Variants in KLF8 observed in about 807,000 individuals in gnomAD.
KLF8 encodes the protein KLF transcription factor 8.
A neutral mutation model predicts 18.2 loss-of-function variants in KLF8; 10 were observed. The observed-to-expected ratio is 0.55, with a 90% confidence interval of 0.34 to 0.93. The LOEUF is 0.93. Ranked by LOEUF, KLF8 falls within the 40% of genes least tolerant of loss-of-function variation. The probability of loss-of-function intolerance (pLI) is 0.02; values close to 1 mark genes in which losing one functional copy is unlikely to be tolerated. For synonymous variants in KLF8, 109 were observed against 97.3 expected, an observed-to-expected ratio of 1.12 and a Z score of -0.71; for missense variants, 264 against 277.9, an observed-to-expected ratio of 0.95 and a Z score of 0.36.
the KLF8 span, among the ~76,000 whole-genome samples, chrX:56,080,488 C>T: frequency 1.8e-5 from 2 of 111,491 alleles, no homozygotes; most frequent in South Asian, 3.8e-4. Flanking sequence ...CCATTCTCTT[C>T]TGGCTTCTAG....
At chrX:56,208,133 A>T in the KLF8 span, among the ~76,000 whole-genome samples, 1 of 111,445 alleles carries the variant, frequency 9.0e-6, no homozygotes, top group Admixed American at 9.6e-5. Flanking sequence ...ACACATGGGG[A>T]TTATTACAAT....
At chrX:56,261,010 A>G (rs970079297) in intron 2 of KLF8, among the ~76,000 whole-genome samples, 1 of 112,108 alleles carries the variant, frequency 8.9e-6, no homozygotes, top group Non-Finnish European at 1.9e-5. Flanking sequence ...ACTTTGTAAC[A>G]GTTGATTCCA....
the KLF8 span, among the ~76,000 whole-genome samples, chrX:55,961,022 G>A: frequency 9.0e-6 from 1 of 111,473 alleles, no homozygotes; most frequent in Non-Finnish European, 1.9e-5. Flanking sequence ...AAGCAAAAGA[G>A]AGTAGGGGTT....
chrX:56,142,487 A>G, the KLF8 span, among the ~76,000 whole-genome samples: 9 of 110,912 alleles, frequency 8.1e-5, no homozygotes, highest in African/African-American at 1.6e-4. Flanking sequence ...GTTTCTTTGT[A>G]TGCTCGCTTT....
chrX:56,275,481 A>T (rs972092835), intron 5 of KLF8, among the ~76,000 whole-genome samples: 4 of 111,295 alleles, frequency 3.6e-5, no homozygotes, highest in African/African-American at 9.8e-5. Flanking sequence ...TCCAATTTGG[A>T]TGCCCTTTAA....
chrX:55,980,411 T>C, the KLF8 span, among the ~76,000 whole-genome samples: 1 of 110,851 alleles, frequency 9.0e-6, no homozygotes, highest in African/African-American at 3.3e-5. Context: ...GAGGGTAAGG[T>C]TTGGAGATAG....
At chrX:56,276,930 A>G (rs759028221) in intron 5 of KLF8, among the ~76,000 whole-genome samples, 1 of 111,226 alleles carries the variant, frequency 9.0e-6, no homozygotes, top group African/African-American at 3.3e-5. Flanking sequence ...TTGTTGCTTC[A>G]TTGTTTTTTA....
intron 1 of KLF8, among the ~76,000 whole-genome samples, chrX:56,235,901 A>C (rs946442241): frequency 1.8e-5 from 2 of 112,314 alleles, no homozygotes; most frequent in Admixed American, 1.9e-4. Context: ...TTATTTAAAA[A>C]AATTTGTTTT....
At chrX:56,242,566 G>A (rs1292421730) in intron 1 of KLF8, among the ~76,000 whole-genome samples, 1 of 111,673 alleles carries the variant, frequency 9.0e-6, no homozygotes, top group Non-Finnish European at 1.9e-5. Flanking sequence ...ACATAGAAAG[G>A]TCAAATGACT....
chrX:56,267,599 C>A (rs2066988653), intron 3 of KLF8: 1 of 110,038 alleles, frequency 9.1e-6, no homozygotes, highest in African/African-American at 3.3e-5. Context: ...GGGGGGCTTA[C>A]TAAACCTTAG....
the KLF8 span, among the ~76,000 whole-genome samples, chrX:56,034,759 T>C: frequency 1.2e-5 from 1 of 81,130 alleles, no homozygotes; most frequent in Non-Finnish European, 2.4e-5. Context: ...TTTTTTTTTT[T>C]TTTTTTTTTT....
At chrX:56,276,097 G>A (rs1359828091) in intron 5 of KLF8, among the ~76,000 whole-genome samples, 1 of 111,042 alleles carries the variant, frequency 9.0e-6, no homozygotes, top group Non-Finnish European at 1.9e-5. Context: ...CGACAGTGAA[G>A]CCATCAGGTC....
At chrX:56,019,116 G>A in the KLF8 span, among the ~76,000 whole-genome samples, 1 of 111,475 alleles carries the variant, frequency 9.0e-6, no homozygotes, top group Non-Finnish European at 1.9e-5. Context: ...TTTGAATTCT[G>A]TATAGAAGGA....
the KLF8 span, among the ~76,000 whole-genome samples, chrX:56,067,595 G>A: frequency 5.4e-5 from 6 of 111,650 alleles, no homozygotes; most frequent in East Asian, 2.9e-4. Context: ...GAGGATCAAA[G>A]CTGGTCAACA....
the KLF8 span, among the ~76,000 whole-genome samples, chrX:55,910,381 G>T: frequency 2.7e-5 from 3 of 111,283 alleles, no homozygotes; most frequent in South Asian, 1.2e-3. Flanking sequence ...GTTGAGTGGG[G>T]ATAAGATAGG....
chrX:56,204,400 G>T, the KLF8 span, among the ~76,000 whole-genome samples: 1 of 111,146 alleles, frequency 9.0e-6, no homozygotes, highest in African/African-American at 3.3e-5. Flanking sequence ...TTCCAATTTT[G>T]ATTTCCTTTA....
At chrX:55,981,785 C>A in the KLF8 span, among the ~76,000 whole-genome samples, 1 of 111,349 alleles carries the variant, frequency 9.0e-6, no homozygotes, top group Non-Finnish European at 1.9e-5. Context: ...ACAGGCCGAA[C>A]AATGACAACA....
At chrX:56,130,021 A>C in the KLF8 span, among the ~76,000 whole-genome samples, 1 of 110,322 alleles carries the variant, frequency 9.1e-6, no homozygotes, top group East Asian at 2.9e-4. Flanking sequence ...AGCCTCAGTA[A>C]GCCAGGCCCA....
At chrX:56,189,583 T>C in the KLF8 span, among the ~76,000 whole-genome samples, 1 of 110,866 alleles carries the variant, frequency 9.0e-6, no homozygotes, top group Non-Finnish European at 1.9e-5. Flanking sequence ...ATGTTTATTG[T>C]GGCATTATTC....
Sources: gnomAD v4.1 joint callset for allele counts (sites outside exome capture counted in the v4.1 genomes callset) on GRCh38, gnomAD v4.1.1 for gene constraint, MANE v1.5 for transcripts, NCBI Gene and HGNC (gene_info 2026-07-23, HGNC 2026-07-21) for gene names.